The following CDH12 variants were observed in gnomAD, a reference collection of about 807,000 sequenced individuals.
CDH12 encodes cadherin-12.
Under a neutral mutation model 74.1 loss-of-function variants are expected in CDH12, and 41 were observed. The observed-to-expected ratio is 0.55, with a 90% CI of 0.43 to 0.72. The LOEUF is 0.72. Ranked by LOEUF, CDH12 falls within the 30% of genes least tolerant of loss-of-function variation. The pLI, the probability that CDH12 is intolerant of heterozygous loss-of-function variation, is 0.00. For synonymous variants in CDH12, 399 were observed against 355.0 expected (o/e 1.12, Z -1.39); for missense variants, 945 against 977.2 (o/e 0.97, Z 0.44).
In CDH12 at chr5:22,608,060, G is replaced by C. The variant is rs557597036; in HGVS notation, c.-522-102696C>G. 2.6e-5 allele frequency among the ~76,000 whole-genome samples: 4 copies of C among 152,310 alleles called. No homozygotes were observed. The South Asian group carries it at 6.2e-4, about 24-fold the overall frequency. On this transcript the variant is annotated intron_variant, in intron 1 of 14. Coordinates refer to ENST00000382254, the MANE Select transcript of CDH12 (RefSeq NM_004061.5). ...GAGTCCCCAACTGAGGCATTGCCTA[G>C]TGGAGCTATGAGAAGTGAGCCACCA...
At chr5:22,448,151 C>T (rs771854953) in intron 2 of CDH12, among the ~76,000 whole-genome samples, 1 of 147,650 alleles carries the variant, frequency 6.8e-6, no homozygotes, top group Non-Finnish European at 1.5e-5. Context: ...GAGTAAGACC[C>T]TGTGTCAAAA....
Position 22,779,705 on chromosome 5 carries a change from C to T in CDH12, c.-523+73353G>A, listed in dbSNP as rs548303917. ...TGTTTTACAGTTCCTCTTTTACATG[C>T]GTTCTAACTCCTGTCCCCATGTAAG... is the stretch of plus-strand genomic sequence containing the variant. On this transcript the variant is annotated intron_variant, in intron 1 of 14. Transcript: ENST00000382254. Among the ~76,000 whole-genome samples the T allele has an allele frequency of 2.1e-4, 32 of 152,216 alleles. No homozygotes were observed. In the East Asian group the frequency reaches 4.1e-3, roughly 19 times the overall value.
chr5:22,563,281 G>T (rs1057297256), intron 1 of CDH12, among the ~76,000 whole-genome samples: 3 of 151,960 alleles, frequency 2.0e-5, no homozygotes, highest in Admixed American at 2.0e-4. Flanking sequence ...TTTAACTGAG[G>T]TGAGATAAAA....
chr5:22,332,387 A>G (rs1289831314), intron 3 of CDH12, among the ~76,000 whole-genome samples: 1 of 152,222 alleles, frequency 6.6e-6, no homozygotes, highest in African/African-American at 2.4e-5. Flanking sequence ...TAATACTTTT[A>G]CCCTAGAATA....
chr5:22,722,258 T>C (rs140025426), intron 1 of CDH12, among the ~76,000 whole-genome samples: 79 of 152,348 alleles, frequency 5.2e-4, no homozygotes, highest in Middle Eastern at 3.4e-3. Flanking sequence ...GCAGTCAGCA[T>C]GCTTCTGCTC....
At chr5:22,490,294 AG>A (rs1746804126) in intron 2 of CDH12, among the ~76,000 whole-genome samples, 1 of 152,226 alleles carries the variant, frequency 6.6e-6, no homozygotes, top group Non-Finnish European at 1.5e-5. Context: ...ACATAAAGTT[AG>A]TTTTTATTCT....
intron 3 of CDH12, among the ~76,000 whole-genome samples, chr5:22,365,464 T>A (rs1325141970): frequency 6.6e-6 from 1 of 152,188 alleles, no homozygotes; most frequent in East Asian, 1.9e-4. Flanking sequence ...ATAAATAAGC[T>A]ATCTATGTCA....
At chr5:22,345,291 A>G (rs1740063475) in intron 3 of CDH12, among the ~76,000 whole-genome samples, 1 of 152,168 alleles carries the variant, frequency 6.6e-6, no homozygotes, top group Admixed American at 6.5e-5. Flanking sequence ...TTTACAGAAA[A>G]CACTGTTAAA....
chr5:22,505,070 A>G (rs271099), intron 2 of CDH12, among the ~76,000 whole-genome samples, 200 bp downstream of exon 2: 140,573 of 151,918 alleles, frequency 0.93, 65,162 homozygotes, highest in Admixed American at 0.97. Context: ...CTATATTCTA[A>G]AAAATGTAGA....
chr5:22,038,679 T>C (rs1477444898), intron 5 of CDH12, among the ~76,000 whole-genome samples: 1 of 152,180 alleles, frequency 6.6e-6, no homozygotes, highest in Non-Finnish European at 1.5e-5. Context: ...CTCAAGAAAC[T>C]GGGCCTTGGC....
rs1349881334 is a variant in CDH12, at chr5:21,942,379, CACACACACACAT to C, written c.526+32700_526+32711del. Among the ~76,000 whole-genome samples, 205 of 145,412 alleles carry C rather than the reference CACACACACACAT, an allele frequency of 1.4e-3. 2 individuals are homozygous for C. The highest frequency in any genetic ancestry group is 5.2e-3 in the African/African-American group (194 of 36,992). ...ACACACACACACACACACACACACA[CACACACACACAT>C]ATATATGTGTGGGTGTGTATTAGGA... On this transcript the variant is annotated intron_variant, in intron 6 of 14. Coordinates refer to ENST00000382254, the MANE Select transcript of CDH12 (RefSeq NM_004061.5).
chr5:21,882,362 A>C (rs1039712049), intron 6 of CDH12, among the ~76,000 whole-genome samples: 4 of 152,208 alleles, frequency 2.6e-5, no homozygotes, highest in African/African-American at 9.6e-5. Context: ...TTATTACTTT[A>C]TCAGTATTTC....
Position 22,480,160 on chromosome 5 carries a change from C to T in CDH12, c.-428+25110G>A, listed in dbSNP as rs1272274730. 3.9e-5 allele frequency among the ~76,000 whole-genome samples: 6 copies of T among 152,160 alleles called. No individual in the cohort carries two copies. The South Asian group carries it at 1.2e-3, about 32-fold the overall frequency. ...TAGACTTAAGCAAACACATAGGCTT[C>T]AAGATAATTTTGCTGTTGTTGCCTC... On this transcript the variant is annotated intron_variant, in intron 2 of 14. Coordinates refer to ENST00000382254, the MANE Select transcript of CDH12 (RefSeq NM_004061.5).
chr5:22,840,524 G>A (rs60804695), intron 1 of CDH12, among the ~76,000 whole-genome samples: 8,051 of 149,592 alleles, frequency 0.054, 327 homozygotes, highest in South Asian at 0.18. Context: ...TTATATAAAA[G>A]CTATATATAA....
At chr5:21,873,615 A>AC (rs1751764630) in intron 6 of CDH12, among the ~76,000 whole-genome samples, 2 of 150,248 alleles carry the variant, frequency 1.3e-5, no homozygotes, top group Non-Finnish European at 3.0e-5. Flanking sequence ...TTTATGTGCT[A>AC]TTTTTTAAAA....
Position 21,914,727 on chromosome 5 carries a change from G to T in CDH12, c.527-59937C>A, listed in dbSNP as rs149555459. Reference sequence around the variant, plus strand: ...GGATAAAGCCACCCACATTATTGAAGAAAATCTCCTTTACTTAAAGTCAAC... The same window carrying T: ...GGATAAAGCCACCCACATTATTGAATAAAATCTCCTTTACTTAAAGTCAAC... On this transcript the variant is annotated intron_variant, in intron 6 of 14. Transcript: ENST00000382254. 3.3e-5 allele frequency among the ~76,000 whole-genome samples: 5 copies of T among 152,178 alleles called. No homozygotes were observed. The East Asian group carries it at 9.7e-4, about 29-fold the overall frequency.
chr5:22,815,556 G>T (rs1749347158), intron 1 of CDH12, among the ~76,000 whole-genome samples: 1 of 151,964 alleles, frequency 6.6e-6, no homozygotes, highest in African/African-American at 2.4e-5. Flanking sequence ...GATAACCTGA[G>T]GTCAGGAGTT....
chr5:22,833,884 A>G (rs1736718135), intron 1 of CDH12, among the ~76,000 whole-genome samples: 1 of 152,170 alleles, frequency 6.6e-6, no homozygotes, highest in Non-Finnish European at 1.5e-5. Flanking sequence ...AAACAAAGCC[A>G]CCGGGAGGAA....
At chr5:22,760,757 T>C (rs1209327283) in intron 1 of CDH12, among the ~76,000 whole-genome samples, 1 of 151,862 alleles carries the variant, frequency 6.6e-6, no homozygotes, top group African/African-American at 2.4e-5. Flanking sequence ...ATGTATTCTT[T>C]GTAGAGAAGA....
Sources: gnomAD v4.1 joint callset for allele counts (sites outside exome capture counted in the v4.1 genomes callset) on GRCh38, gnomAD v4.1.1 for gene constraint, MANE v1.5 for transcripts, NCBI Gene and HGNC (gene_info 2026-07-23, HGNC 2026-07-21) for gene names.